Variants in MITF observed in about 807,000 individuals in gnomAD.
MITF encodes the protein microphthalmia-associated transcription factor.
A neutral mutation model predicts 60.5 loss-of-function variants in MITF; 17 were observed. That is an observed-to-expected ratio of 0.28 (90% confidence interval 0.19 to 0.42). MITF has a LOEUF of 0.42. MITF is among the 10% of genes least tolerant of loss of function. The pLI, the probability that MITF is intolerant of heterozygous loss-of-function variation, is 1.00. For synonymous variants in MITF, 260 were observed against 248.5 expected (o/e 1.05, Z -0.43); for missense variants, 622 against 683.5 (o/e 0.91, Z 1.00).
At chr3:69,847,481 G>A (rs1217376382) in intron 1 of MITF, among the ~76,000 whole-genome samples, 1 of 152,132 alleles carries the variant, frequency 6.6e-6, no homozygotes, top group Non-Finnish European at 1.5e-5. Context: ...ACTTACATAT[G>A]GGGAAATGAG....
At position 69,739,849 on chromosome 3, in the gene MITF, G is replaced by C. The variant is rs568224266; in HGVS notation, c.104+148G>C. On this transcript the variant is annotated intron_variant, in intron 1 of 9. Transcript: ENST00000352241. ...AGCAGAGGGCGAACTGCCCCTCGCA[G>C]TTGGGGGCCGCGCCTGCCCGGCCCA... The C allele has an allele frequency of 3.7e-5, 24 of 643,004 alleles. No homozygotes were observed. The African/African-American group carries it at 4.2e-4, about 11-fold the overall frequency. The allele number at this position is 643,004 out of a possible 1,614,324, so 39.8% of individuals were successfully genotyped here.
intron 1 of MITF, among the ~76,000 whole-genome samples, chr3:69,773,756 A>G (rs1026823451): frequency 2.0e-5 from 3 of 152,232 alleles, no homozygotes; most frequent in Admixed American, 6.5e-5. Context: ...TGAAGCATTA[A>G]TACTTCTATA....
chr3:69,856,041 G>A (rs2063912897), intron 1 of MITF, among the ~76,000 whole-genome samples: 1 of 152,044 alleles, frequency 6.6e-6, no homozygotes, highest in South Asian at 2.1e-4. Context: ...GAGAGATTGG[G>A]GCTGGGCTCA....
intron 2 of MITF, among the ~76,000 whole-genome samples, chr3:69,910,450 C>T (rs554851834): frequency 6.6e-6 from 1 of 152,252 alleles, no homozygotes; most frequent in South Asian, 2.1e-4. Context: ...GGCCACTATC[C>T]TCCATACCCC....
At chr3:69,810,070 T>C (rs984958115) in intron 1 of MITF, among the ~76,000 whole-genome samples, 10 of 152,180 alleles carry the variant, frequency 6.6e-5, no homozygotes, top group Admixed American at 4.6e-4. Context: ...AGTTTTCTTG[T>C]ATGTGCCCTA....
At chr3:69,836,106 A>G (rs2063536149) in intron 1 of MITF, among the ~76,000 whole-genome samples, 1 of 152,150 alleles carries the variant, frequency 6.6e-6, no homozygotes, top group Non-Finnish European at 1.5e-5. Flanking sequence ...GTTCATGGAC[A>G]TGGAATATCT....
chr3:69,844,893 T>C (rs531359211), intron 1 of MITF, among the ~76,000 whole-genome samples: 6 of 152,302 alleles, frequency 3.9e-5, no homozygotes, highest in Admixed American at 6.5e-5. Context: ...TGAACTCTCA[T>C]GTCACTATGG....
At chr3:69,798,549 T>C (rs1323342384) in intron 1 of MITF, among the ~76,000 whole-genome samples, 3 of 152,254 alleles carry the variant, frequency 2.0e-5, no homozygotes, top group Non-Finnish European at 4.4e-5. Flanking sequence ...TTTTCATGAT[T>C]AGACTGTGTG....
intron 1 of MITF, among the ~76,000 whole-genome samples, chr3:69,876,296 G>A (rs1219879728): frequency 1.3e-5 from 2 of 152,206 alleles, no homozygotes; most frequent in African/African-American, 4.8e-5. Context: ...ACAGCACAAA[G>A]GTTTGCTTCT....
intron 1 of MITF, among the ~76,000 whole-genome samples, chr3:69,760,223 T>C (rs1196019733): frequency 6.6e-6 from 1 of 152,162 alleles, no homozygotes; most frequent in Non-Finnish European, 1.5e-5. Flanking sequence ...GAGTGTGAGG[T>C]TGGGGACCCA....
intron 1 of MITF, among the ~76,000 whole-genome samples, chr3:69,868,556 G>A (rs903249083): frequency 6.6e-6 from 1 of 152,046 alleles, no homozygotes; most frequent in Admixed American, 6.6e-5. Flanking sequence ...CTGATGCCAC[G>A]GTTTTCGTCT....
rs59665466 is a variant in MITF, at chr3:69,965,814, G to GAA, written c.*575_*576dup. 0.27 allele frequency: 58,845 copies of GAA among 220,094 alleles called. 6,466 individuals carry two copies. Among genetic ancestry groups the GAA allele is most frequent in the African/African-American group, 0.34 (15,038 of 44,102 alleles). 13.6% of individuals were successfully genotyped at this position (220,094 alleles called of 1,614,324 possible). A position where few individuals can be genotyped will look rare whatever the true frequency, so the allele number is the denominator to read the frequency against. ...TTAAAGAAATATGTATTCTGTAAAAGAAAAAAAAAATGCGGCCTTTTCATG... is the reference window on the plus strand; with the variant it reads ...TTAAAGAAATATGTATTCTGTAAAAGAAAAAAAAAAAATGCGGCCTTTTCATG... On this transcript the variant is annotated 3_prime_UTR_variant, in exon 10 of 10. Transcript: ENST00000352241.
intron 1 of MITF, among the ~76,000 whole-genome samples, chr3:69,838,822 A>T (rs1055662287): frequency 6.6e-6 from 1 of 152,158 alleles, no homozygotes; most frequent in Non-Finnish European, 1.5e-5. Flanking sequence ...ACCTCCCCCT[A>T]ATTTTAAAAG....
chr3:69,817,553 GA>G (rs1353310570), intron 1 of MITF, among the ~76,000 whole-genome samples: 2 of 151,986 alleles, frequency 1.3e-5, no homozygotes, highest in Non-Finnish European at 2.9e-5. Flanking sequence ...GGTTTGGAAA[GA>G]AACATGAAGT....
intron 1 of MITF, among the ~76,000 whole-genome samples, chr3:69,762,035 G>A (rs778907467): frequency 1.3e-5 from 2 of 152,138 alleles, no homozygotes; most frequent in Non-Finnish European, 2.9e-5. Context: ...TTTATAGCCA[G>A]TCTGTTCCAT....
intron 1 of MITF, among the ~76,000 whole-genome samples, chr3:69,799,058 G>A (rs753897915): frequency 6.6e-5 from 10 of 152,166 alleles, no homozygotes; most frequent in South Asian, 2.1e-4. Context: ...ACCATGGTAT[G>A]TTTCTTTAGT....
At chr3:69,819,875 G>A (rs1297515360) in intron 1 of MITF, among the ~76,000 whole-genome samples, 1 of 152,206 alleles carries the variant, frequency 6.6e-6, no homozygotes, top group Admixed American at 6.5e-5. Flanking sequence ...TAAGGCAGGG[G>A]AATCGCTTGA....
At chr3:69,927,619 G>T (rs1311762087) in intron 2 of MITF, among the ~76,000 whole-genome samples, 1 of 152,220 alleles carries the variant, frequency 6.6e-6, no homozygotes, top group Non-Finnish European at 1.5e-5. Flanking sequence ...AATGTGGATT[G>T]TAATGACTGC....
rs1704150448 is a variant in MITF at position 69,756,429 on chromosome 3, C to T, written c.104+16728C>T. Among the ~76,000 whole-genome samples, 3 of 151,688 alleles carry T rather than the reference C, an allele frequency of 2.0e-5. 1 individual carries two copies. The highest frequency in any genetic ancestry group is 4.2e-4 in the South Asian group (2 of 4,804). ...ATAGTTTGCTGGGAATGATGGTTTC[C>T]AGCTTTATCCATGTCCCTGCAAAGG... is the stretch of plus-strand genomic sequence containing the variant. On this transcript the variant is annotated intron_variant, in intron 1 of 9. Transcript: ENST00000352241.
Sources: gnomAD v4.1 joint callset for allele counts (sites outside exome capture counted in the v4.1 genomes callset) on GRCh38, gnomAD v4.1.1 for gene constraint, MANE v1.5 for transcripts, NCBI Gene and HGNC (gene_info 2026-07-23, HGNC 2026-07-21) for gene names.